Variants in LARGE1 observed in about 807,000 individuals in gnomAD.
The protein encoded by LARGE1 is LARGE xylosyl- and glucuronyltransferase 1, also known as xylosyl- and glucuronyltransferase LARGE1.
Under a neutral mutation model 87.6 loss-of-function variants are expected in LARGE1, and 43 were observed. That is an observed-to-expected ratio of 0.49 (90% CI 0.38 to 0.63). LARGE1 has a LOEUF of 0.63. Ranked by LOEUF, LARGE1 falls within the 30% of genes least tolerant of loss-of-function variation. The pLI is 0.00. For missense variants in LARGE1, 802 were observed against 1,000.2 expected (o/e 0.80, Z 2.67); for synonymous variants, 434 against 394.6 (o/e 1.10, Z -1.18).
intron 2 of LARGE1, among the ~76,000 whole-genome samples, chr22:33,737,023 G>C (rs543691592): frequency 6.6e-6 from 1 of 152,102 alleles, no homozygotes; most frequent in Non-Finnish European, 1.5e-5. Flanking sequence ...TGACATGCAC[G>C]AAGACCTGGA....
intron 10 of LARGE1, among the ~76,000 whole-genome samples, chr22:33,334,059 GT>G (rs1377305384): frequency 6.6e-6 from 1 of 151,726 alleles, no homozygotes; most frequent in Non-Finnish European, 1.5e-5. Flanking sequence ...GGAGGGAGAG[GT>G]TGCCATGAGC....
At chr22:33,446,571 T>C (rs2067693526) in intron 6 of LARGE1, among the ~76,000 whole-genome samples, 1 of 152,220 alleles carries the variant, frequency 6.6e-6, no homozygotes, top group South Asian at 2.1e-4. Flanking sequence ...TGATCATTGC[T>C]TTGTATCAGG....
chr22:33,181,594 T>G (rs1388138252), intron 11 of LARGE1, among the ~76,000 whole-genome samples: 1 of 151,940 alleles, frequency 6.6e-6, no homozygotes, highest in Non-Finnish European at 1.5e-5. Flanking sequence ...AGTGGTGCTA[T>G]TTTGGCTCAC....
intron 1 of LARGE1, among the ~76,000 whole-genome samples, chr22:33,797,441 C>A (rs550937525): frequency 6.6e-6 from 1 of 152,190 alleles, no homozygotes; most frequent in South Asian, 2.1e-4. Context: ...GTAAAACCAT[C>A]GTGTTAACCT....
At chr22:33,877,782 C>T (rs752815477) in intron 1 of LARGE1, among the ~76,000 whole-genome samples, 2 of 151,718 alleles carry the variant, frequency 1.3e-5, no homozygotes, top group East Asian at 1.9e-4. Context: ...ATTAGCCGGG[C>T]GTGATGGTGC....
chr22:33,210,145 T>C (rs150871265), intron 11 of LARGE1, among the ~76,000 whole-genome samples: 1 of 151,956 alleles, frequency 6.6e-6, no homozygotes, highest in South Asian at 2.1e-4. Context: ...AGAGCCGTGT[T>C]CTCCAGATCC....
intron 11 of LARGE1, among the ~76,000 whole-genome samples, chr22:33,179,475 A>T (rs1362934963): frequency 1.3e-5 from 2 of 152,170 alleles, no homozygotes; most frequent in Non-Finnish European, 2.9e-5. Context: ...GAAAATTTAC[A>T]TGGCTTCATG....
intron 1 of LARGE1, among the ~76,000 whole-genome samples, chr22:33,908,419 G>T (rs1467176523): frequency 1.3e-5 from 2 of 152,042 alleles, no homozygotes; most frequent in African/African-American, 4.8e-5. Context: ...AGTGTCCCAG[G>T]CAGATAAAGA....
At chr22:33,489,563 T>C (rs562443299) in intron 6 of LARGE1, among the ~76,000 whole-genome samples, 1 of 152,176 alleles carries the variant, frequency 6.6e-6, no homozygotes, top group Non-Finnish European at 1.5e-5. Flanking sequence ...TCTCACCAGA[T>C]CTGATGGTTT....
intron 6 of LARGE1, among the ~76,000 whole-genome samples, chr22:33,490,096 G>T (rs531076782): frequency 6.6e-6 from 1 of 152,304 alleles, no homozygotes; most frequent in Admixed American, 6.5e-5. Context: ...CTCTGCTTAG[G>T]CATAATTACT....
At chr22:33,832,272 A>G (rs903043573) in intron 1 of LARGE1, among the ~76,000 whole-genome samples, 18 of 152,164 alleles carry the variant, frequency 1.2e-4, no homozygotes, top group African/African-American at 3.9e-4. Context: ...TTCCTCTCTC[A>G]TGTATGGAGT....
In LARGE1 at chr22:33,856,303, A is replaced by T. The variant is rs192798798; in HGVS notation, c.-83+63692T>A. Among the ~76,000 whole-genome samples, 8 of 152,186 alleles carry T rather than the reference A, an allele frequency of 5.3e-5. 1 individual carries two copies. The East Asian group carries it at 1.5e-3, about 29-fold the overall frequency. ...TGCCTCTCCATGGAAGAGGGTCAGA[A>T]CCATTCCCGACAGAACAAGCTGGGT... On this transcript the variant is annotated intron_variant, in intron 1 of 14. Coordinates refer to ENST00000397394, the MANE Select transcript of LARGE1 (RefSeq NM_133642.5).
chr22:33,623,723 A>C (rs1250771887), intron 4 of LARGE1, among the ~76,000 whole-genome samples: 4 of 152,086 alleles, frequency 2.6e-5, no homozygotes, highest in East Asian at 3.9e-4. Flanking sequence ...AAAAAAAAAA[A>C]AACCTAAAGT....
At chr22:33,183,624 A>ACG (rs1381076248) in intron 11 of LARGE1, among the ~76,000 whole-genome samples, 9 of 102,404 alleles carry the variant, frequency 8.8e-5, no homozygotes, top group South Asian at 2.8e-4. Flanking sequence ...ACACACGCAC[A>ACG]CACACACACA....
intron 6 of LARGE1, among the ~76,000 whole-genome samples, chr22:33,486,274 A>G (rs1363534746): frequency 6.6e-6 from 1 of 152,238 alleles, no homozygotes; most frequent in African/African-American, 2.4e-5. Flanking sequence ...GAGATCATAC[A>G]GCCTCTACAG....
At chr22:33,346,531 G>C (rs1260591012) in intron 9 of LARGE1, among the ~76,000 whole-genome samples, 1 of 152,074 alleles carries the variant, frequency 6.6e-6, no homozygotes, top group African/African-American at 2.4e-5. Context: ...TCAAACTCCT[G>C]ACCTCAGTTG....
intron 2 of LARGE1, among the ~76,000 whole-genome samples, chr22:33,658,158 G>A (rs2081022592): frequency 6.6e-6 from 1 of 152,160 alleles, no homozygotes; most frequent in Admixed American, 6.5e-5. Context: ...CCTCAGGCCA[G>A]TGGTCCTCAA....
the LARGE1 span, among the ~76,000 whole-genome samples, chr22:33,069,284 G>GAGCAC: frequency 2.0e-5 from 3 of 152,198 alleles, no homozygotes; most frequent in East Asian, 3.8e-4. Flanking sequence ...CAGCCAGACA[G>GAGCAC]AGCACAGGGT....
At chr22:33,813,327 T>A (rs558307474) in intron 1 of LARGE1, among the ~76,000 whole-genome samples, 1 of 151,684 alleles carries the variant, frequency 6.6e-6, no homozygotes, top group Admixed American at 6.6e-5. Context: ...CAAGCCCTAG[T>A]CCTGAGAAGC....
Sources: gnomAD v4.1 joint callset for allele counts (sites outside exome capture counted in the v4.1 genomes callset) on GRCh38, gnomAD v4.1.1 for gene constraint, MANE v1.5 for transcripts, NCBI Gene and HGNC (gene_info 2026-07-23, HGNC 2026-07-21) for gene names.